Variants in PKNOX2 observed in about 807,000 individuals in gnomAD.
PKNOX2 encodes the protein PBX/knotted 1 homeobox 2.
Under a neutral mutation model 53.1 loss-of-function variants are expected in PKNOX2, and 14 were observed. The observed-to-expected ratio is 0.26, with a 90% CI of 0.17 to 0.41. The LOEUF (loss-of-function observed/expected upper bound fraction) is 0.41. PKNOX2 is among the 10% of genes least tolerant of loss of function. The probability of loss-of-function intolerance (pLI) is 1.00; values close to 1 mark genes in which losing one functional copy is unlikely to be tolerated. For synonymous variants in PKNOX2, 257 were observed against 242.8 expected (o/e 1.06, Z -0.54); for missense variants, 496 against 602.8 (o/e 0.82, Z 1.85).
chr11:125,199,139 C>G (rs192703411), intron 1 of PKNOX2, among the ~76,000 whole-genome samples: 2 of 152,296 alleles, frequency 1.3e-5, no homozygotes, highest in East Asian at 1.9e-4. Flanking sequence ...CCACGCCCAG[C>G]CTTCTTCCCT....
intron 5 of PKNOX2, among the ~76,000 whole-genome samples, chr11:125,383,992 C>T (rs1953440132): frequency 6.6e-6 from 1 of 152,092 alleles, no homozygotes; most frequent in Non-Finnish European, 1.5e-5. Context: ...GTTCCAGGAG[C>T]CTGGGGAGAC....
chr11:125,251,619 A>T (rs980483036), intron 2 of PKNOX2, among the ~76,000 whole-genome samples: 1 of 151,830 alleles, frequency 6.6e-6, no homozygotes, highest in East Asian at 1.9e-4. Context: ...ATCTACACAG[A>T]TGGGGTGCAG....
intron 2 of PKNOX2, chr11:125,239,927 G>A (rs1943017227): frequency 6.6e-6 from 1 of 152,248 alleles, no homozygotes; most frequent in African/African-American, 2.4e-5. Context: ...TTCGGATTCA[G>A]GCTTTCCGAG....
In PKNOX2 at chr11:125,240,412, C is replaced by T. The variant is rs1943059372; in HGVS notation, c.-130+5297C>T. On this transcript the variant is annotated intron_variant, in intron 2 of 12. Coordinates refer to ENST00000298282, the MANE Select transcript of PKNOX2 (RefSeq NM_001382323.2). This position sits in a 1 kb window ranked among gnomAD's most constrained non-coding sequence, Gnocchi z 4.3. Reference sequence around the variant, plus strand: ...GTGACTATGCCTGCAGGAGAGGTGGCTATTTGGAGTCTTCTCCATAAACCT... The same window carrying T: ...GTGACTATGCCTGCAGGAGAGGTGGTTATTTGGAGTCTTCTCCATAAACCT... 6.6e-6 allele frequency: 1 copy of T among 152,090 alleles called. No individual in the cohort carries two copies. Among genetic ancestry groups the T allele is most frequent in the Non-Finnish European group, 1.5e-5 (1 of 68,026 alleles). The allele number at this position is 152,090 out of a possible 1,614,324, so 9.4% of individuals were successfully genotyped here.
At chr11:125,333,269 A>C (rs1950238831) in intron 3 of PKNOX2, among the ~76,000 whole-genome samples, 1 of 152,146 alleles carries the variant, frequency 6.6e-6, no homozygotes, top group African/African-American at 2.4e-5. Context: ...TGAGAATAGA[A>C]CTGAGGCTCT....
chr11:125,207,407 T>C (rs2135430120), intron 1 of PKNOX2, among the ~76,000 whole-genome samples: 1 of 152,052 alleles, frequency 6.6e-6, no homozygotes, highest in South Asian at 2.1e-4. Flanking sequence ...GACGGGTGTA[T>C]AAGCTCTCCC....
rs897464603 is a variant in PKNOX2, at chr11:125,268,824, C to T, written c.-130+33709C>T. ...TTGGCTGCATCATCTCTGAGAATTCCGTGACCCTTTCTGGGGTGGGGGCTG... is the reference window on the plus strand; with the variant it reads ...TTGGCTGCATCATCTCTGAGAATTCTGTGACCCTTTCTGGGGTGGGGGCTG... On this transcript the variant is annotated intron_variant, in intron 2 of 12. Transcript: ENST00000298282. Among the ~76,000 whole-genome samples, 11 of 152,106 alleles carry T rather than the reference C, an allele frequency of 7.2e-5. No homozygotes were observed. In the East Asian group the frequency reaches 9.7e-4, roughly 13 times the overall value.
intron 7 of PKNOX2, among the ~76,000 whole-genome samples, chr11:125,404,485 G>A (rs1263268804): frequency 1.3e-5 from 2 of 152,190 alleles, no homozygotes; most frequent in East Asian, 1.9e-4. Flanking sequence ...TTGGGAATCT[G>A]GCTTTTCTTG....
At chr11:125,414,539 G>A (rs1481810046) in intron 10 of PKNOX2, among the ~76,000 whole-genome samples, 4 of 152,158 alleles carry the variant, frequency 2.6e-5, no homozygotes, top group Non-Finnish European at 1.5e-5. Context: ...AGCAGACCCA[G>A]CTGTCCTTGG....
intron 1 of PKNOX2, among the ~76,000 whole-genome samples, chr11:125,203,703 A>G (rs1004275757): frequency 2.0e-5 from 3 of 152,168 alleles, no homozygotes; most frequent in African/African-American, 7.2e-5. Flanking sequence ...TGAGCCCTGG[A>G]TAGGGTGGTA....
At chr11:125,187,664 CT>C (rs200048406) in intron 1 of PKNOX2, among the ~76,000 whole-genome samples, 144 of 146,428 alleles carry the variant, frequency 9.8e-4, no homozygotes, top group Middle Eastern at 3.5e-3. Flanking sequence ...CCTTTTATTT[CT>C]TTTTTTTTTT....
At chr11:125,366,032 G>A (rs1952172536) in intron 4 of PKNOX2, among the ~76,000 whole-genome samples, 1 of 152,178 alleles carries the variant, frequency 6.6e-6, no homozygotes, top group South Asian at 2.1e-4. Context: ...CTGGGTTTTA[G>A]TTTTTTTCAG....
intron 11 of PKNOX2, 25 bp downstream of exon 11, chr11:125,429,113 G>T (rs528779006): frequency 6.3e-7 from 1 of 1,584,970 alleles, no homozygotes; most frequent in Non-Finnish European, 8.7e-7. Context: ...CCTGCATGCA[G>T]GCTCCCAGAT....
At chr11:125,289,556 C>A (rs914130654) in intron 2 of PKNOX2, among the ~76,000 whole-genome samples, 1 of 152,106 alleles carries the variant, frequency 6.6e-6, no homozygotes, top group African/African-American at 2.4e-5. Flanking sequence ...TTTGGGTGAG[C>A]AAACAGAGAC....
At chr11:125,355,848 G>T (rs1204262844) in intron 4 of PKNOX2, among the ~76,000 whole-genome samples, 2 of 152,104 alleles carry the variant, frequency 1.3e-5, no homozygotes, top group East Asian at 3.9e-4. Context: ...TCTCATTCAT[G>T]TACTCTCAGA....
At chr11:125,183,950 C>T (rs1000823407) in intron 1 of PKNOX2, among the ~76,000 whole-genome samples, 4 of 152,120 alleles carry the variant, frequency 2.6e-5, no homozygotes, top group African/African-American at 9.7e-5. Context: ...TCTTCTGTTG[C>T]CTGTGGACCC....
At chr11:125,300,577 G>A (rs1176764238) in intron 2 of PKNOX2, among the ~76,000 whole-genome samples, 1 of 152,116 alleles carries the variant, frequency 6.6e-6, no homozygotes, top group African/African-American at 2.4e-5. Flanking sequence ...GAGAGAAAAA[G>A]AGAGACAGAG....
At chr11:125,320,684 C>G (rs1196258723) in intron 2 of PKNOX2, among the ~76,000 whole-genome samples, 1 of 152,196 alleles carries the variant, frequency 6.6e-6, no homozygotes, top group Admixed American at 6.5e-5. Context: ...CGGACCAGAG[C>G]CCTTCTTTCT....
At chr11:125,226,562 C>T (rs1352422800) in intron 1 of PKNOX2, among the ~76,000 whole-genome samples, 1 of 152,116 alleles carries the variant, frequency 6.6e-6, no homozygotes, top group African/African-American at 2.4e-5. Flanking sequence ...TACACCCTTT[C>T]CAACACGCCA....
Sources: gnomAD v4.1 joint callset for allele counts (sites outside exome capture counted in the v4.1 genomes callset) on GRCh38, gnomAD v4.1.1 for gene constraint, Gnocchi (gnomAD v3.1) non-coding constraint, MANE v1.5 for transcripts, NCBI Gene and HGNC (gene_info 2026-07-23, HGNC 2026-07-21) for gene names.